The following NCKAP5 variants were observed in gnomAD, a reference collection of about 807,000 sequenced individuals.
NCKAP5 encodes the protein nck-associated protein 5.
In NCKAP5, 92 loss-of-function variants were observed where a neutral mutation model predicts 167.0. The observed-to-expected ratio is 0.55, with a 90% CI of 0.47 to 0.66. The LOEUF (loss-of-function observed/expected upper bound fraction) is 0.66. Ranked by LOEUF, NCKAP5 falls within the 30% of genes least tolerant of loss-of-function variation. The pLI is 0.00. For synonymous variants in NCKAP5, 891 were observed against 877.4 expected (o/e 1.02, Z -0.27); for missense variants, 2,378 against 2,315.0 (o/e 1.03, Z -0.56).
chr2:133,284,216 C>T lies in NCKAP5; in HGVS notation c.143+18821G>A, dbSNP rs7589334. Among the ~76,000 whole-genome samples the T allele has an allele frequency of 5.1e-3, 771 of 151,882 alleles. 5 individuals carry two copies. Among genetic ancestry groups the T allele is most frequent in the African/African-American group, 0.018 (732 of 41,452 alleles). Reference sequence around the variant, plus strand: ...AATAGAATAAACATAGAATTAATTACTAACCCCTAAAATGTCTAATTGAGG... The same window carrying T: ...AATAGAATAAACATAGAATTAATTATTAACCCCTAAAATGTCTAATTGAGG... On this transcript the variant is annotated intron_variant, in intron 4 of 19. Coordinates refer to ENST00000409261, the MANE Select transcript of NCKAP5 (RefSeq NM_207363.3).
intron 3 of NCKAP5, among the ~76,000 whole-genome samples, chr2:133,359,593 GAA>G (rs1349373827): frequency 6.6e-6 from 1 of 152,104 alleles, no homozygotes; most frequent in Non-Finnish European, 1.5e-5. Context: ...AACATAAGCA[GAA>G]AAAAGTTATT....
chr2:133,214,713 T>G (rs893099286), intron 4 of NCKAP5, among the ~76,000 whole-genome samples: 2 of 151,886 alleles, frequency 1.3e-5, no homozygotes, highest in Non-Finnish European at 2.9e-5. Context: ...ATCCCTAAAA[T>G]GTTAGCTTTA....
At chr2:132,855,729 C>G (rs1689413825) in intron 11 of NCKAP5, among the ~76,000 whole-genome samples, 1 of 152,168 alleles carries the variant, frequency 6.6e-6, no homozygotes, top group South Asian at 2.1e-4. Flanking sequence ...ACTCACTCAC[C>G]TACCCCTCCC....
chr2:133,257,664 G>C (rs2088686971), intron 4 of NCKAP5, among the ~76,000 whole-genome samples: 1 of 152,118 alleles, frequency 6.6e-6, no homozygotes, highest in Non-Finnish European at 1.5e-5. Flanking sequence ...ATAGCTGAAA[G>C]GCCAGATGCT....
chr2:133,113,270 A>G (rs570247545), intron 6 of NCKAP5, among the ~76,000 whole-genome samples: 47 of 152,122 alleles, frequency 3.1e-4, no homozygotes, highest in Non-Finnish European at 6.0e-4. Flanking sequence ...GGGCAGCTAA[A>G]TCTTTTGAAG....
chr2:133,216,966 C>T (rs1018812835), intron 4 of NCKAP5, among the ~76,000 whole-genome samples: 1 of 151,998 alleles, frequency 6.6e-6, no homozygotes, highest in Non-Finnish European at 1.5e-5. Flanking sequence ...AACCAACTGG[C>T]TCATGTTATT....
chr2:133,209,091 AG>A (rs1162963486), intron 5 of NCKAP5, among the ~76,000 whole-genome samples: 4 of 152,028 alleles, frequency 2.6e-5, no homozygotes, highest in Admixed American at 1.3e-4. Flanking sequence ...AAACTATAAA[AG>A]TTCTAGAAGA....
intron 2 of NCKAP5, among the ~76,000 whole-genome samples, chr2:133,536,456 C>A (rs991246640): frequency 6.6e-6 from 1 of 151,856 alleles, no homozygotes; most frequent in African/African-American, 2.4e-5. Flanking sequence ...TAGGTATGTG[C>A]CTTTATTTCT....
At chr2:133,662,959 T>TAAA in the NCKAP5 span, among the ~76,000 whole-genome samples, 1 of 151,582 alleles carries the variant, frequency 6.6e-6, no homozygotes, top group East Asian at 2.0e-4. Context: ...ATCTTAAAGA[T>TAAA]ATTTGTTGCT....
At chr2:133,201,763 C>T (rs185114763) in intron 5 of NCKAP5, among the ~76,000 whole-genome samples, 56 of 152,120 alleles carry the variant, frequency 3.7e-4, no homozygotes, top group African/African-American at 1.2e-3. Flanking sequence ...TATGCTTCTC[C>T]GCCTCATTTC....
intron 11 of NCKAP5, among the ~76,000 whole-genome samples, chr2:132,800,799 A>G (rs2105197322): frequency 6.6e-6 from 1 of 152,160 alleles, no homozygotes; most frequent in East Asian, 1.9e-4. Context: ...TCCAAAGTGT[A>G]CTCTTACTGA....
intron 4 of NCKAP5, among the ~76,000 whole-genome samples, chr2:133,234,848 T>G (rs1297274637): frequency 6.6e-6 from 1 of 151,396 alleles, no homozygotes; most frequent in Non-Finnish European, 1.5e-5. Context: ...AAAAAATACA[T>G]TTAGACACAG....
intron 19 of NCKAP5, among the ~76,000 whole-genome samples, chr2:132,694,024 G>A (rs1300646988): frequency 1.3e-5 from 2 of 152,078 alleles, no homozygotes; most frequent in East Asian, 3.9e-4. Flanking sequence ...GCTGTTTGGA[G>A]ACATGAAATT....
chr2:133,417,650 G>T (rs1257730030), intron 3 of NCKAP5, among the ~76,000 whole-genome samples: 1 of 152,154 alleles, frequency 6.6e-6, no homozygotes, highest in East Asian at 1.9e-4. Context: ...TTGTCCTCCT[G>T]GGCCTCCAAC....
chr2:133,260,638 G>C (rs972717970), intron 4 of NCKAP5, among the ~76,000 whole-genome samples: 2 of 152,198 alleles, frequency 1.3e-5, no homozygotes, highest in Non-Finnish European at 1.5e-5. Context: ...GGAAAAAACA[G>C]TGGAGCGAGT....
chr2:132,721,067 T>C (rs1233300944), intron 19 of NCKAP5, among the ~76,000 whole-genome samples: 1 of 150,618 alleles, frequency 6.6e-6, no homozygotes, highest in Non-Finnish European at 1.5e-5. Flanking sequence ...CCCAGCACTT[T>C]GGGAGGCTGA....
At chr2:133,406,308 G>C (rs1688423812) in intron 3 of NCKAP5, among the ~76,000 whole-genome samples, 1 of 152,082 alleles carries the variant, frequency 6.6e-6, no homozygotes. Context: ...GAGTTTTGGG[G>C]AGTGCTTTTG....
chr2:133,208,699 C>T (rs1458944657), intron 5 of NCKAP5, among the ~76,000 whole-genome samples: 1 of 152,128 alleles, frequency 6.6e-6, no homozygotes, highest in Non-Finnish European at 1.5e-5. Flanking sequence ...ATTAGCTCAT[C>T]AACTATGACA....
intron 9 of NCKAP5, among the ~76,000 whole-genome samples, 165 bp downstream of exon 9, chr2:132,878,681 CCA>C (rs750009638): frequency 3.3e-5 from 5 of 150,406 alleles, no homozygotes; most frequent in Admixed American, 6.6e-5. Flanking sequence ...CACACACCGC[CCA>C]CACACACACA....
Sources: allele counts gnomAD v4.1 joint callset (sites outside exome capture counted in the v4.1 genomes callset), GRCh38; gene constraint gnomAD v4.1.1; transcripts MANE v1.5; gene names NCBI Gene and HGNC (gene_info 2026-07-23, HGNC 2026-07-21).